The following LY96 variants were observed in gnomAD, a reference collection of about 807,000 sequenced individuals.
The protein encoded by LY96 is lymphocyte antigen 96, also known as myeloid differentiation protein-2.
LY96 carries 18 observed loss-of-function variants against 18.9 expected under a neutral mutation model. That is an observed-to-expected ratio of 0.95 (90% CI 0.66 to 1.41). The LOEUF is 1.41. Ranked by LOEUF, LY96 falls within the 40% of genes most tolerant of loss-of-function variation. The pLI is 0.00. For synonymous variants in LY96, 66 were observed against 62.6 expected, an observed-to-expected ratio of 1.06 and a Z score of -0.26; for missense variants, 175 against 182.4, an observed-to-expected ratio of 0.96 and a Z score of 0.23.
chr8:74,067,707 T>A, the LY96 span, among the ~76,000 whole-genome samples: 1 of 152,022 alleles, frequency 6.6e-6, no homozygotes, highest in Admixed American at 6.5e-5. Context: ...AGGTGTATTC[T>A]GAGGTTAATG....
the LY96 span, among the ~76,000 whole-genome samples, chr8:74,086,670 C>T: frequency 6.6e-6 from 1 of 152,196 alleles, no homozygotes; most frequent in South Asian, 2.1e-4. Context: ...TTAATCCTCC[C>T]CTACCCTACG....
intron 1 of LY96, among the ~76,000 whole-genome samples, chr8:74,001,417 TG>T (rs1039275447): frequency 1.1e-4 from 16 of 151,938 alleles, no homozygotes; most frequent in Non-Finnish European, 2.1e-4. Context: ...TTTGCGGAGA[TG>T]GGGTTTTGCT....
At chr8:74,012,069 A>G (rs10092443) in intron 3 of LY96, among the ~76,000 whole-genome samples, 10,293 of 152,218 alleles carry the variant, frequency 0.068, 1,140 homozygotes, top group African/African-American at 0.23. Context: ...ATGGAGAAAA[A>G]AGAACTCATC....
the LY96 span, among the ~76,000 whole-genome samples, chr8:74,068,077 A>ATATATAT: frequency 1.6e-4 from 16 of 98,490 alleles, no homozygotes; most frequent in Middle Eastern, 5.5e-3. Flanking sequence ...AAAAAAAAAA[A>ATATATAT]AAAAAAAAAA....
chr8:74,018,978 T>C (rs916559007), intron 3 of LY96, among the ~76,000 whole-genome samples: 1 of 151,874 alleles, frequency 6.6e-6, no homozygotes, highest in Non-Finnish European at 1.5e-5. Flanking sequence ...GCAGAAAAGA[T>C]CTAAAATCGA....
the LY96 span, among the ~76,000 whole-genome samples, chr8:74,089,162 G>A: frequency 6.6e-6 from 1 of 152,188 alleles, no homozygotes; most frequent in Non-Finnish European, 1.5e-5. Flanking sequence ...AATGATCAGT[G>A]ATGAAATAGC....
intron 3 of LY96, among the ~76,000 whole-genome samples, chr8:74,022,566 G>GTTTTTTCT (rs1816791049): frequency 1.3e-5 from 2 of 149,814 alleles, no homozygotes; most frequent in Non-Finnish European, 3.0e-5. Flanking sequence ...GAAATCTAGG[G>GTTTTTTCT]TTTTTTCTTT....
At chr8:74,088,138 T>TAGAATAGAATAGAATAGAATAGAAA in the LY96 span, among the ~76,000 whole-genome samples, 3 of 149,046 alleles carry the variant, frequency 2.0e-5, no homozygotes, top group Non-Finnish European at 4.4e-5. Context: ...TAGAATAGAA[T>TAGAATAGAATAGAATAGAATAGAAA]AGAATAGAAT....
At chr8:74,037,985 G>A in the LY96 span, among the ~76,000 whole-genome samples, 1 of 152,026 alleles carries the variant, frequency 6.6e-6, no homozygotes, top group Non-Finnish European at 1.5e-5. Context: ...CCTCAAAAAT[G>A]TTTTGTTTTA....
the LY96 span, among the ~76,000 whole-genome samples, chr8:74,082,227 G>A: frequency 1.8e-4 from 27 of 152,318 alleles, no homozygotes; most frequent in African/African-American, 6.5e-4. Context: ...GAAAAACAGA[G>A]TTGCAAGGAA....
the LY96 span, among the ~76,000 whole-genome samples, chr8:74,064,017 G>A: frequency 1.3e-5 from 2 of 152,112 alleles, no homozygotes; most frequent in Non-Finnish European, 2.9e-5. Flanking sequence ...GGGAAAATAA[G>A]TATTTACTAA....
At chr8:73,996,372 C>CCTTCCTTCCTTCCTTT (rs1816135382) in intron 1 of LY96, among the ~76,000 whole-genome samples, 19 of 110,988 alleles carry the variant, frequency 1.7e-4, no homozygotes, top group Non-Finnish European at 3.4e-4. Context: ...TTCCTTCATT[C>CCTTCCTTCCTTCCTTT]CTTTCTTTCT....
chr8:74,036,660 T>C, the LY96 span, among the ~76,000 whole-genome samples: 1 of 152,176 alleles, frequency 6.6e-6, no homozygotes, highest in Non-Finnish European at 1.5e-5. Context: ...CCATAAAAAA[T>C]CTAGCATCTG....
At chr8:74,065,069 A>T in the LY96 span, among the ~76,000 whole-genome samples, 4 of 152,338 alleles carry the variant, frequency 2.6e-5, no homozygotes, top group African/African-American at 9.6e-5. Flanking sequence ...TGTGATGCCC[A>T]GCCATGACTT....
chr8:74,079,166 C>G, the LY96 span, among the ~76,000 whole-genome samples: 1 of 152,172 alleles, frequency 6.6e-6, no homozygotes, highest in African/African-American at 2.4e-5. Flanking sequence ...TGAATTTGCT[C>G]TCTGCTTGAG....
the LY96 span, chr8:74,079,608 G>A: frequency 7.2e-5 from 11 of 152,116 alleles, no homozygotes; most frequent in African/African-American, 2.7e-4. Context: ...CCAGTGCCAG[G>A]ATGACACACA....
chr8:74,036,323 T>C, the LY96 span, among the ~76,000 whole-genome samples: 1 of 152,218 alleles, frequency 6.6e-6, no homozygotes, highest in Non-Finnish European at 1.5e-5. Flanking sequence ...AATCCCTTAC[T>C]ACTCAGGAGT....
rs1047507299 is a variant in LY96, at chr8:74,010,052, T to C, written c.254T>C (p.Met85Thr). Residue 85 changes from methionine (M) to threonine (T), a missense_variant, in exon 3 of 5, where the codon ATG (methionine) becomes ACG (threonine). Coordinates refer to ENST00000284818, the MANE Select transcript of LY96 (RefSeq NM_015364.5). ...AATCTCTATATAACTGTCAACACCA[T>C]GAATCTTCCAAAGCGCAAAGAAGTT... ...YFNLYITVNT[M>T]NLPKRKEVIC... 1.9e-6 allele frequency: 3 copies of C among 1,610,792 alleles called. No homozygotes were observed. The highest frequency in any genetic ancestry group is 2.2e-5 in the East Asian group (1 of 44,746).
chr8:74,063,803 A>C, the LY96 span, among the ~76,000 whole-genome samples: 1 of 150,982 alleles, frequency 6.6e-6, no homozygotes, highest in Non-Finnish European at 1.5e-5. Context: ...AAATACTTGA[A>C]CATTAAGTTT....
Sources: allele counts gnomAD v4.1 joint callset (sites outside exome capture counted in the v4.1 genomes callset), GRCh38; gene constraint gnomAD v4.1.1; transcripts MANE v1.5; gene names NCBI Gene and HGNC (gene_info 2026-07-23, HGNC 2026-07-21).